Variants in ZNHIT6 observed in about 807,000 individuals in gnomAD.
ZNHIT6 encodes the protein zinc finger HIT-type containing 6.
A neutral mutation model predicts 57.2 loss-of-function variants in ZNHIT6; 45 were observed. The ratio of observed to expected loss-of-function variants is 0.79; its 90% CI spans 0.62 to 1.01. ZNHIT6 has a LOEUF of 1.01. Among genes scored for constraint, ZNHIT6 ranks in the 50% least tolerant of loss-of-function variants. The pLI is 0.00. For missense variants in ZNHIT6, 528 were observed against 567.3 expected (o/e 0.93, Z 0.70); for synonymous variants, 188 against 190.0 (o/e 0.99, Z 0.09).
At chr1:85,674,010 C>A (rs1661634655) in intron 8 of ZNHIT6, among the ~76,000 whole-genome samples, 1 of 152,094 alleles carries the variant, frequency 6.6e-6, no homozygotes, top group Admixed American at 6.6e-5. Flanking sequence ...TATAAAGATG[C>A]CCTATGCCAA....
intron 9 of ZNHIT6, among the ~76,000 whole-genome samples, chr1:85,654,571 CCT>C (rs1195821580): frequency 6.6e-6 from 1 of 152,120 alleles, no homozygotes; most frequent in Non-Finnish European, 1.5e-5. Context: ...CTCTGACACC[CCT>C]GTCTTGCTTA....
chr1:85,670,332 T>A (rs1661524189), intron 8 of ZNHIT6, among the ~76,000 whole-genome samples: 1 of 152,126 alleles, frequency 6.6e-6, no homozygotes, highest in African/African-American at 2.4e-5. Flanking sequence ...CCCACAAAGC[T>A]GGAAAATATT....
rs921691385 is a variant in ZNHIT6 at position 85,652,934 on chromosome 1, A to G, written c.*1124T>C. On this transcript the variant is annotated 3_prime_UTR_variant, in exon 10 of 10. Transcript: ENST00000370574. ...ACTGTATACAGAGCTGCCATAACGT[A>G]TAAGTTAAGCCATGTATATACATTA... is the stretch of plus-strand genomic sequence containing the variant. The G allele has an allele frequency of 2.6e-5, 4 of 152,226 alleles. No individual in the cohort carries two copies. The highest frequency in any genetic ancestry group is 7.2e-5 in the African/African-American group (3 of 41,466). The allele number at this position is 152,226 out of a possible 1,614,324, so 9.4% of individuals were successfully genotyped here.
At chr1:85,667,891 G>A (rs1181095815) in intron 8 of ZNHIT6, among the ~76,000 whole-genome samples, 18 of 138,688 alleles carry the variant, frequency 1.3e-4, no homozygotes, top group African/African-American at 2.4e-4. Context: ...CTGAAATTGC[G>A]CGACTGCACT....
rs544059964 is a variant in ZNHIT6, at chr1:85,689,770, C to T, written c.1020-8866G>A. Among the ~76,000 whole-genome samples the T allele has an allele frequency of 5.9e-5, 9 of 152,132 alleles. No homozygotes were observed. The East Asian group carries it at 1.7e-3, about 29-fold the overall frequency. ...AATGGCTGGGCAGTTTTGGTTGTTC[C>T]AAGACTAGGGAGCACTTGAGGATTT... On this transcript the variant is annotated intron_variant, in intron 5 of 9. Transcript: ENST00000370574.
chr1:85,660,754 C>T (rs1356527668), intron 8 of ZNHIT6, among the ~76,000 whole-genome samples: 1 of 152,060 alleles, frequency 6.6e-6, no homozygotes, highest in African/African-American at 2.4e-5. Flanking sequence ...CTTAAAAAAA[C>T]TTGGTTCCTG....
chr1:85,677,633 T>C (rs1661742376), intron 7 of ZNHIT6, among the ~76,000 whole-genome samples: 1 of 152,188 alleles, frequency 6.6e-6, no homozygotes. Flanking sequence ...AGGTTACCAG[T>C]TATAAGGAAA....
Position 85,704,557 on chromosome 1 carries a change from A to G in ZNHIT6, c.915+1521T>C, listed in dbSNP as rs925215430. ...TATTCATTTTATAATTATTCATTAT[A>G]CTGTGTATTTCCATTTTGTGATGTT... On this transcript the variant is annotated intron_variant, in intron 4 of 9. Transcript: ENST00000370574. Among the ~76,000 whole-genome samples, 3 of 152,280 alleles carry G rather than the reference A, an allele frequency of 2.0e-5. No homozygotes were observed. In the East Asian group the frequency reaches 5.8e-4, roughly 29 times the overall value.
chr1:85,684,358 A>AT (rs921336889), intron 5 of ZNHIT6, among the ~76,000 whole-genome samples: 10 of 152,148 alleles, frequency 6.6e-5, no homozygotes, highest in African/African-American at 1.9e-4. Context: ...CCTCCTCTAA[A>AT]TATCAATACA....
chr1:85,706,268 A>G lies in ZNHIT6; in HGVS notation c.810T>C (p.Thr270=), dbSNP rs879101850. ...KTAYISIQQF[T]EMNLLSDYRF... ...GCTTACCACTTAGGAGATTCATTTC[A>G]GTAAACTGTTGTATTGAAATGTATG... The change falls in exon 3 of 10, where the codon ACT becomes ACC. Residue 270 remains threonine (T), a synonymous_variant. Coordinates refer to ENST00000370574, the MANE Select transcript of ZNHIT6 (RefSeq NM_017953.4). The G allele has an allele frequency of 5.0e-6, 8 of 1,611,554 alleles. No homozygotes were observed. In the South Asian group the frequency reaches 8.8e-5, roughly 18 times the overall value.
At chr1:85,679,115 G>A (rs1661789969) in intron 6 of ZNHIT6, among the ~76,000 whole-genome samples, 1 of 152,078 alleles carries the variant, frequency 6.6e-6, no homozygotes, top group Non-Finnish European at 1.5e-5. Context: ...GAAACTAGCA[G>A]AAATAATAAA....
At chr1:85,667,961 A>AAAAAAAAAAAAAAAATGTATATATGTAT in intron 8 of ZNHIT6, among the ~76,000 whole-genome samples, 1 of 18,200 alleles carries the variant, frequency 5.5e-5, no homozygotes, top group Non-Finnish European at 9.9e-5. Context: ...AAAAAAAAAA[A>AAAAAAAAAAAAAAAATGTATATATGTAT]ATATATATAT....
rs1189382754 is a variant in ZNHIT6 at position 85,702,212 on chromosome 1, G to C, written c.964C>G (p.Leu322Val). ...CTCTTGGTGAATCCATTGGGTAGAA[G>C]TTTTAAGTTAATACCTTGCCTCCGG... ...RARRQGINLK[L>V]LPNGFTKRKE... The change falls in exon 5 of 10, where the codon CTT becomes GTT. Residue 322 changes from leucine to valine, a missense_variant. Transcript: ENST00000370574. 23 of 1,611,108 alleles carry C rather than the reference G, an allele frequency of 1.4e-5. No individual in the cohort carries two copies. Among genetic ancestry groups the C allele is most frequent in the Non-Finnish European group, 1.9e-5 (22 of 1,179,140 alleles).
In ZNHIT6 at chr1:85,667,961, A is replaced by AAAAAAAAAAAAAAAAAAAATGT; in HGVS notation, c.1247+9274_1247+9275insACATTTTTTTTTTTTTTTTTTT. Among the ~76,000 whole-genome samples the AAAAAAAAAAAAAAAAAAAATGT allele has an allele frequency of 3.8e-4, 7 of 18,202 alleles. 3 individuals are homozygous for AAAAAAAAAAAAAAAAAAAATGT. The highest frequency in any genetic ancestry group is 1.5e-3 in the African/African-American group (7 of 4,712). 11.9% of individuals were successfully genotyped at this position (18,202 alleles called of 152,430 possible). Reference sequence around the variant, plus strand: ...ACTCTCTCTTTCAAAAAAAAAAAAAAATATATATATATATATATATATATG... The same window carrying AAAAAAAAAAAAAAAAAAAATGT: ...ACTCTCTCTTTCAAAAAAAAAAAAAAAAAAAAAAAAAAAAAAAAATGTATATATATATATATATATATATATG... On this transcript the variant is annotated intron_variant, in intron 8 of 9. Coordinates refer to ENST00000370574, the MANE Select transcript of ZNHIT6 (RefSeq NM_017953.4).
At chr1:85,690,796 CG>C (rs1662193513) in intron 5 of ZNHIT6, among the ~76,000 whole-genome samples, 1 of 152,096 alleles carries the variant, frequency 6.6e-6, no homozygotes. Flanking sequence ...GAGGCTGAGG[CG>C]AGCGGATCAC....
chr1:85,657,509 T>C (rs1661092080), intron 9 of ZNHIT6, among the ~76,000 whole-genome samples: 1 of 151,232 alleles, frequency 6.6e-6, no homozygotes, highest in African/African-American at 2.4e-5. Context: ...GTCTTAACTA[T>C]GGAGTAAATG....
At chr1:85,673,168 C>T (rs1405749632) in intron 8 of ZNHIT6, among the ~76,000 whole-genome samples, 1 of 152,154 alleles carries the variant, frequency 6.6e-6, no homozygotes, top group Non-Finnish European at 1.5e-5. Flanking sequence ...ATGATCTTCT[C>T]CACAGGGGCA....
chr1:85,683,919 G>C (rs1303954393), intron 5 of ZNHIT6, among the ~76,000 whole-genome samples: 1 of 151,894 alleles, frequency 6.6e-6, no homozygotes, highest in African/African-American at 2.4e-5. Flanking sequence ...TGTTCCACTA[G>C]GAACACTCAT....
At position 85,649,862 on chromosome 1, in the gene ZNHIT6, A is replaced by T. The variant is rs973291478; in HGVS notation, c.*4196T>A. On this transcript the variant is annotated 3_prime_UTR_variant, in exon 10 of 10. Coordinates refer to ENST00000370574, the MANE Select transcript of ZNHIT6 (RefSeq NM_017953.4). Reference sequence around the variant, plus strand: ...CAAATAAAAATGGATGGCATTAAAAAAAAAATCCAAAAACCTATAATGGCA... The same window carrying T: ...CAAATAAAAATGGATGGCATTAAAATAAAAATCCAAAAACCTATAATGGCA... The T allele has an allele frequency of 3.9e-5, 6 of 152,338 alleles. 1 individual carries two copies. The highest frequency in any genetic ancestry group is 6.8e-3 in the Middle Eastern group (2 of 294). The allele number at this position is 152,338 out of a possible 1,614,324, so 9.4% of individuals were successfully genotyped here.
Sources: allele counts gnomAD v4.1 joint callset (sites outside exome capture counted in the v4.1 genomes callset), GRCh38; gene constraint gnomAD v4.1.1; transcripts MANE v1.5; gene names NCBI Gene and HGNC (gene_info 2026-07-23, HGNC 2026-07-21).